EPS15L1: variants seen among roughly 807,000 people sequenced by gnomAD.
EPS15L1 encodes epidermal growth factor receptor pathway substrate 15 like 1.
Under a neutral mutation model 117.1 loss-of-function variants are expected in EPS15L1, and 43 were observed. That is an observed-to-expected ratio of 0.37 (90% confidence interval 0.29 to 0.47). The LOEUF is 0.47. EPS15L1 is among the 20% of genes least tolerant of loss of function. The probability of loss-of-function intolerance (pLI) is 0.99; values close to 1 mark genes in which losing one functional copy is unlikely to be tolerated. For synonymous variants in EPS15L1, 459 were observed against 470.5 expected, an observed-to-expected ratio of 0.98 and a Z score of 0.32; for missense variants, 981 against 1,164.0, an observed-to-expected ratio of 0.84 and a Z score of 2.29.
At chr19:16,403,542 A>G (rs1278864817) in intron 15 of EPS15L1, among the ~76,000 whole-genome samples, 191 bp downstream of exon 15, 1 of 152,136 alleles carries the variant, frequency 6.6e-6, no homozygotes, top group Non-Finnish European at 1.5e-5. Flanking sequence ...CTCCAGGCCA[A>G]TGCCAACAAA....
At chr19:16,399,511 C>T (rs1047458102) in intron 16 of EPS15L1, among the ~76,000 whole-genome samples, 9 of 152,102 alleles carry the variant, frequency 5.9e-5, no homozygotes, top group African/African-American at 1.2e-4. Flanking sequence ...GTGACATTCC[C>T]GCCCTTTAGA....
intron 8 of EPS15L1, 77 bp from the exon 9 acceptor site, chr19:16,425,393 CTTTGG>C: frequency 1.0e-6 from 1 of 997,032 alleles, no homozygotes; most frequent in Non-Finnish European, 1.6e-6. Context: ...GAGGGCAGCC[CTTTGG>C]GGGCTGCAGT....
intron 1 of EPS15L1, among the ~76,000 whole-genome samples, chr19:16,454,995 G>A (rs926433530): frequency 5.9e-5 from 9 of 152,006 alleles, no homozygotes; most frequent in African/African-American, 2.2e-4. Flanking sequence ...CAGGTGTGGT[G>A]GCGCACACCT....
At chr19:16,424,298 C>T (rs533317303) in intron 9 of EPS15L1, among the ~76,000 whole-genome samples, 1 of 152,132 alleles carries the variant, frequency 6.6e-6, no homozygotes, top group African/African-American at 2.4e-5. Context: ...CTACCAATGC[C>T]GTCGTGGGGG....
At chr19:16,467,300 C>T (rs979977307) in intron 1 of EPS15L1, among the ~76,000 whole-genome samples, 5 of 151,872 alleles carry the variant, frequency 3.3e-5, no homozygotes, top group Admixed American at 6.6e-5. Context: ...AGGCGTCCGC[C>T]AGGACGCCAG....
intron 1 of EPS15L1, among the ~76,000 whole-genome samples, chr19:16,451,006 A>G (rs981084003): frequency 2.6e-5 from 4 of 151,694 alleles, no homozygotes; most frequent in Non-Finnish European, 4.4e-5. Flanking sequence ...GCTGGATGGC[A>G]GTGGTGCAAT....
chr19:16,413,371 C>T, intron 13 of EPS15L1: 2 of 693,670 alleles, frequency 2.9e-6, no homozygotes, highest in Non-Finnish European at 5.2e-6. Context: ...TACACCTCAG[C>T]CAGGGGCTGC....
chr19:16,392,914 C>T (rs2092493276), intron 18 of EPS15L1, among the ~76,000 whole-genome samples: 3 of 151,842 alleles, frequency 2.0e-5, no homozygotes, highest in South Asian at 2.1e-4. Flanking sequence ...TGGTGGCACA[C>T]GCCTGTAGTA....
chr19:16,398,008 C>G (rs1427603071), intron 16 of EPS15L1, among the ~76,000 whole-genome samples: 1 of 152,134 alleles, frequency 6.6e-6, no homozygotes, highest in African/African-American at 2.4e-5. Context: ...AAAACAAAAT[C>G]ATTAAAAAGC....
rs955353692 is a variant in EPS15L1, at chr19:16,471,709, C to A, written c.33+204G>T. Among the ~76,000 whole-genome samples the A allele has an allele frequency of 2.0e-5, 3 of 151,840 alleles. No individual in the cohort carries two copies. The highest frequency in any genetic ancestry group is 7.2e-5 in the African/African-American group (3 of 41,396). On this transcript the variant is annotated intron_variant, in intron 1 of 23. Transcript: ENST00000455140. This position sits in a 1 kb window ranked among gnomAD's most constrained non-coding sequence, Gnocchi z 4.8. ...TGCGCACCTCCTCGCCTCGCCGGTG[C>A]CCGCGAGGGTCGCTCGGGCACGGGA...
intron 11 of EPS15L1, 77 bp from the exon 12 acceptor site, chr19:16,417,714 G>T (rs2092772456): frequency 1.5e-6 from 2 of 1,323,384 alleles, no homozygotes; most frequent in Non-Finnish European, 1.1e-6. Context: ...CAGTTCTCGG[G>T]CCCAGGGATA....
At chr19:16,419,847 G>A (rs2092797409) in intron 10 of EPS15L1, among the ~76,000 whole-genome samples, 2 of 152,202 alleles carry the variant, frequency 1.3e-5, no homozygotes, top group Admixed American at 1.3e-4. Flanking sequence ...CTCGTGGGCT[G>A]CAGCTGCCTC....
At chr19:16,408,819 A>G (rs573891753) in intron 13 of EPS15L1, among the ~76,000 whole-genome samples, 1 of 152,208 alleles carries the variant, frequency 6.6e-6, no homozygotes, top group Admixed American at 6.5e-5. Flanking sequence ...AGAGGCAGAT[A>G]GGTCAATGGG....
rs546275038 is a variant in EPS15L1, at chr19:16,374,440, G to C, written c.2380+2682C>G. Among the ~76,000 whole-genome samples, 55 of 152,272 alleles carry C rather than the reference G, an allele frequency of 3.6e-4. No homozygotes were observed. The South Asian group carries it at 3.9e-3, about 11-fold the overall frequency. On this transcript the variant is annotated intron_variant, in intron 22 of 23. Transcript: ENST00000455140. ...TGTGCAACAGCTCCCTAAAAAGCCTGAACCCTGAAGCCAGGCCCAAGGAAG... is the reference window on the plus strand; with the variant it reads ...TGTGCAACAGCTCCCTAAAAAGCCTCAACCCTGAAGCCAGGCCCAAGGAAG...
chr19:16,443,831 G>A lies in EPS15L1; in HGVS notation c.34-1612C>T, dbSNP rs531298038. On this transcript the variant is annotated intron_variant, in intron 1 of 23. Transcript: ENST00000455140. ...ATCCCAAACAGCACTTTGGGAGGCC[G>A]AGGCAGGCAGATCACGAGGTCAGGA... Among the ~76,000 whole-genome samples, 13 of 152,022 alleles carry A rather than the reference G, an allele frequency of 8.6e-5. No individual in the cohort carries two copies. The South Asian group carries it at 1.0e-3, about 12-fold the overall frequency.
At chr19:16,399,207 G>A (rs1039383437) in intron 16 of EPS15L1, among the ~76,000 whole-genome samples, 7 of 152,170 alleles carry the variant, frequency 4.6e-5, no homozygotes. Context: ...GCAGGATTCA[G>A]GAGGTCAGGG....
chr19:16,442,162 C>T lies in EPS15L1; in HGVS notation c.75+16G>A. Reference sequence around the variant, plus strand: ...CATGCTCTAGTTCCATCTGAAGAGACATCAGCTAAACTTACCTGCTTGTAA... The same window carrying T: ...CATGCTCTAGTTCCATCTGAAGAGATATCAGCTAAACTTACCTGCTTGTAA... On this transcript the variant is annotated intron_variant, in intron 2 of 23. Coordinates refer to ENST00000455140, the MANE Select transcript of EPS15L1 (RefSeq NM_001258374.3). The T allele has an allele frequency of 6.2e-7, 1 of 1,608,930 alleles. No individual in the cohort carries two copies. Among genetic ancestry groups the T allele is most frequent in the Non-Finnish European group, 8.5e-7 (1 of 1,175,214 alleles).
At chr19:16,467,475 T>C (rs1275512679) in intron 1 of EPS15L1, among the ~76,000 whole-genome samples, 1 of 151,310 alleles carries the variant, frequency 6.6e-6, no homozygotes, top group East Asian at 1.9e-4. Flanking sequence ...AAGTTCAGAA[T>C]GGAGGTGGAG....
Position 16,386,118 on chromosome 19 carries a change from C to T in EPS15L1, c.2164+53G>A, listed in dbSNP as rs531717728. 5.8e-6 allele frequency: 8 copies of T among 1,387,520 alleles called. No homozygotes were observed. The South Asian group carries it at 9.5e-5, about 16-fold the overall frequency. The allele number at this position is 1,387,520 out of a possible 1,614,324, so 86.0% of individuals were successfully genotyped here. ...AGTGAAAGTGTTAACTGCGGGGGAG[C>T]TCTGCTACTGCCCAAGGAATAGTCA... is the stretch of plus-strand genomic sequence containing the variant. On this transcript the variant is annotated intron_variant, in intron 20 of 23. Coordinates refer to ENST00000455140, the MANE Select transcript of EPS15L1 (RefSeq NM_001258374.3).
Sources: gnomAD v4.1 joint callset for allele counts (sites outside exome capture counted in the v4.1 genomes callset) on GRCh38, gnomAD v4.1.1 for gene constraint, Gnocchi (gnomAD v3.1) non-coding constraint, MANE v1.5 for transcripts, NCBI Gene and HGNC (gene_info 2026-07-23, HGNC 2026-07-21) for gene names.